TENM4: variants seen among roughly 807,000 people sequenced by gnomAD.
The protein encoded by TENM4 is teneurin transmembrane protein 4, also known as teneurin-4.
Under a neutral mutation model 243.3 loss-of-function variants are expected in TENM4, and 82 were observed. The observed-to-expected ratio is 0.34, with a 90% CI of 0.28 to 0.40. The LOEUF is 0.40. Among genes scored for constraint, TENM4 ranks in the 10% least tolerant of loss-of-function variants. The probability of loss-of-function intolerance (pLI) is 1.00; values close to 1 mark genes in which losing one functional copy is unlikely to be tolerated. For synonymous variants in TENM4, 1,412 were observed against 1,456.3 expected, an observed-to-expected ratio of 0.97 and a Z score of 0.69; for missense variants, 3,138 against 3,673.3, an observed-to-expected ratio of 0.85 and a Z score of 3.77.
intron 6 of TENM4, among the ~76,000 whole-genome samples, chr11:78,906,064 G>A (rs972408814): frequency 6.6e-6 from 1 of 152,238 alleles, no homozygotes; most frequent in Admixed American, 6.5e-5. Context: ...TTATCAAGAG[G>A]CCAGCAGAGA....
chr11:78,789,724 G>A (rs963697029), intron 15 of TENM4, among the ~76,000 whole-genome samples: 1 of 152,202 alleles, frequency 6.6e-6, no homozygotes, highest in Non-Finnish European at 1.5e-5. Context: ...GTGTTTTCAG[G>A]CAGCAGAGCA....
intron 1 of TENM4, among the ~76,000 whole-genome samples, chr11:79,398,318 C>T (rs1276783960): frequency 3.3e-5 from 5 of 151,958 alleles, no homozygotes; most frequent in African/African-American, 4.8e-5. Flanking sequence ...TAGGGGTGGG[C>T]GCATCTCACC....
At chr11:79,035,519 A>G (rs1029556128) in intron 6 of TENM4, among the ~76,000 whole-genome samples, 5 of 142,152 alleles carry the variant, frequency 3.5e-5, no homozygotes, top group African/African-American at 1.2e-4. Flanking sequence ...TCCTTGTAGA[A>G]GATTTAAAAA....
chr11:78,802,546 G>A (rs778443608), intron 15 of TENM4, among the ~76,000 whole-genome samples: 12 of 152,240 alleles, frequency 7.9e-5, no homozygotes, highest in Non-Finnish European at 1.5e-4. Context: ...AACGTGGCCT[G>A]TGGAGAGTGC....
At chr11:78,709,499 T>C (rs1023366473) in intron 26 of TENM4, among the ~76,000 whole-genome samples, 4 of 152,180 alleles carry the variant, frequency 2.6e-5, no homozygotes, top group Non-Finnish European at 5.9e-5. Context: ...CTCGGGCAAG[T>C]CACTGAGCAT....
intron 12 of TENM4, among the ~76,000 whole-genome samples, chr11:78,827,980 G>T (rs1857895724): frequency 6.6e-6 from 1 of 152,152 alleles, no homozygotes; most frequent in Non-Finnish European, 1.5e-5. Flanking sequence ...TCATTGAGAG[G>T]AAGGATCCAT....
intron 19 of TENM4, among the ~76,000 whole-genome samples, chr11:78,739,005 T>C (rs941739668): frequency 1.3e-5 from 2 of 151,950 alleles, no homozygotes; most frequent in Non-Finnish European, 2.9e-5. Flanking sequence ...CATCCTGGTA[T>C]AGGGTAAGCT....
intron 1 of TENM4, among the ~76,000 whole-genome samples, chr11:79,406,105 C>G (rs964983386): frequency 1.2e-4 from 18 of 152,102 alleles, no homozygotes; most frequent in African/African-American, 4.1e-4. Flanking sequence ...GACATACAAT[C>G]TTGACCAAAG....
chr11:78,814,654 A>T (rs943390123), intron 12 of TENM4, among the ~76,000 whole-genome samples: 1 of 152,256 alleles, frequency 6.6e-6, no homozygotes, highest in Non-Finnish European at 1.5e-5. Context: ...CTACAAACAC[A>T]TTAGAGATTC....
chr11:79,016,102 G>A (rs1414494615), intron 6 of TENM4, among the ~76,000 whole-genome samples: 2 of 152,200 alleles, frequency 1.3e-5, no homozygotes, highest in African/African-American at 4.8e-5. Context: ...AGGGAGTATT[G>A]TAGGCATGGT....
chr11:79,289,818 C>T (rs1262952336), intron 2 of TENM4, among the ~76,000 whole-genome samples: 1 of 152,206 alleles, frequency 6.6e-6, no homozygotes, highest in Non-Finnish European at 1.5e-5. Context: ...GAAGACTCAA[C>T]GTTAACCAAG....
chr11:79,229,053 A>G (rs1046915734), intron 2 of TENM4, among the ~76,000 whole-genome samples: 1 of 152,116 alleles, frequency 6.6e-6, no homozygotes, highest in Non-Finnish European at 1.5e-5. Flanking sequence ...TGTTAGTGTG[A>G]GTATTGGAAA....
chr11:79,351,989 T>G (rs1857422164), intron 1 of TENM4, among the ~76,000 whole-genome samples: 1 of 152,176 alleles, frequency 6.6e-6, no homozygotes, highest in African/African-American at 2.4e-5. Context: ...AAATCCAAAC[T>G]AAACATCAGT....
intron 3 of TENM4, among the ~76,000 whole-genome samples, chr11:79,182,783 A>T (rs1159820157): frequency 6.6e-6 from 1 of 152,212 alleles, no homozygotes; most frequent in Non-Finnish European, 1.5e-5. Context: ...ACATCAAAGG[A>T]GATATTCAGA....
rs537817253 is a variant in TENM4, at chr11:79,282,772, A to G, written c.-265+14716T>C. Among the ~76,000 whole-genome samples the G allele has an allele frequency of 2.5e-4, 38 of 152,098 alleles. 1 individual carries two copies. Among genetic ancestry groups the G allele is most frequent in the South Asian group, 1.3e-3 (6 of 4,796 alleles). ...TTATGAAGGAGAAAGTTTTGCTTCA[A>G]TGGAGTATTTATTCAGGCATTTGTG... On this transcript the variant is annotated intron_variant, in intron 2 of 33. Coordinates refer to ENST00000278550, the MANE Select transcript of TENM4 (RefSeq NM_001098816.3).
intron 10 of TENM4, among the ~76,000 whole-genome samples, chr11:78,860,226 G>A (rs1337426388): frequency 6.6e-6 from 1 of 152,198 alleles, no homozygotes; most frequent in Non-Finnish European, 1.5e-5. Context: ...AATGGCATGG[G>A]ATTTGAGTGG....
At chr11:78,894,849 C>T (rs962760087) in intron 7 of TENM4, among the ~76,000 whole-genome samples, 1 of 151,530 alleles carries the variant, frequency 6.6e-6, no homozygotes, top group Non-Finnish European at 1.5e-5. Flanking sequence ...CAAAAACTAG[C>T]CAGGCATGGT....
intron 1 of TENM4, among the ~76,000 whole-genome samples, chr11:79,408,365 G>A (rs760969557): frequency 2.0e-5 from 3 of 152,198 alleles, no homozygotes; most frequent in Non-Finnish European, 4.4e-5. Flanking sequence ...TTAGAGAAAC[G>A]CCAGGTTATG....
rs1165676504 is a variant in TENM4 at position 79,139,831 on chromosome 11, TAC to T, written c.-66+8877_-66+8878del. On this transcript the variant is annotated intron_variant, in intron 4 of 33. Transcript: ENST00000278550. Reference sequence around the variant, plus strand: ...ATATATATTTTATATTTATATATAATACATAGATTATGTAATATATATGTATT... The same window carrying T: ...ATATATATTTTATATTTATATATAATATAGATTATGTAATATATATGTATT... Among the ~76,000 whole-genome samples, 72 of 88,620 alleles carry T rather than the reference TAC, an allele frequency of 8.1e-4. 2 individuals are homozygous for T. The highest frequency in any genetic ancestry group is 4.3e-3 in the African/African-American group (71 of 16,638). The allele number at this position is 88,620 out of a possible 152,430, so 58.1% of individuals were successfully genotyped here. A position where few individuals can be genotyped will look rare whatever the true frequency, so the allele number is the denominator to read the frequency against.
Sources: allele counts gnomAD v4.1 joint callset (sites outside exome capture counted in the v4.1 genomes callset), GRCh38; gene constraint gnomAD v4.1.1; transcripts MANE v1.5; gene names NCBI Gene and HGNC (gene_info 2026-07-23, HGNC 2026-07-21).